The following ZNF804A variants were observed in gnomAD, a reference collection of about 807,000 sequenced individuals.
The protein encoded by ZNF804A is zinc finger protein 804A.
ZNF804A carries 2 observed loss-of-function variants against 16.5 expected under a neutral mutation model. The ratio of observed to expected loss-of-function variants is 0.12; its 90% confidence interval spans 0.05 to 0.38. The LOEUF (loss-of-function observed/expected upper bound fraction) is 0.38, where lower values mean the gene tolerates loss of function less well. Ranked by LOEUF, ZNF804A falls within the 10% of genes least tolerant of loss-of-function variation. ZNF804A has a pLI of 0.99. For missense variants in ZNF804A, 1,473 were observed against 1,390.7 expected (o/e 1.06, Z -0.94); for synonymous variants, 534 against 489.6 (o/e 1.09, Z -1.20).
At chr2:184,752,379 T>C (rs374177812) in intron 1 of ZNF804A, among the ~76,000 whole-genome samples, 2 of 151,372 alleles carry the variant, frequency 1.3e-5, no homozygotes, top group African/African-American at 2.4e-5. Context: ...AACTCAGAAA[T>C]GGAAAATAAA....
chr2:184,604,446 T>G (rs534854569), intron 1 of ZNF804A, among the ~76,000 whole-genome samples: 1 of 152,178 alleles, frequency 6.6e-6, no homozygotes, highest in South Asian at 2.1e-4. Flanking sequence ...TTGCTGGGAT[T>G]ACAGGCGTGA....
intron 2 of ZNF804A, among the ~76,000 whole-genome samples, chr2:184,885,032 G>A (rs902780512): frequency 2.6e-5 from 4 of 152,054 alleles, no homozygotes; most frequent in African/African-American, 7.2e-5. Context: ...TTAAAAAGTA[G>A]GCAAAAGACA....
chr2:184,723,336 T>C (rs1348571419), intron 1 of ZNF804A, among the ~76,000 whole-genome samples: 1 of 151,884 alleles, frequency 6.6e-6, no homozygotes, highest in East Asian at 1.9e-4. Flanking sequence ...TACAAGAATT[T>C]TCTCCAGTTG....
intron 1 of ZNF804A, among the ~76,000 whole-genome samples, chr2:184,858,363 A>G (rs1695738362): frequency 6.6e-6 from 1 of 151,666 alleles, no homozygotes; most frequent in African/African-American, 2.4e-5. Flanking sequence ...AATTAGCAGG[A>G]CATGTTGGCA....
chr2:184,706,449 C>T (rs1693032712), intron 1 of ZNF804A, among the ~76,000 whole-genome samples: 1 of 152,198 alleles, frequency 6.6e-6, no homozygotes, highest in Non-Finnish European at 1.5e-5. Flanking sequence ...GAAGCCATTT[C>T]ATCATGTAAC....
At chr2:184,901,628 A>C (rs1322594298) in intron 2 of ZNF804A, among the ~76,000 whole-genome samples, 1 of 152,096 alleles carries the variant, frequency 6.6e-6, no homozygotes, top group Non-Finnish European at 1.5e-5. Flanking sequence ...AAGTGCATCA[A>C]TAGTTTGTCA....
At chr2:184,835,090 A>G (rs188249264) in intron 1 of ZNF804A, among the ~76,000 whole-genome samples, 13 of 152,270 alleles carry the variant, frequency 8.5e-5, no homozygotes, top group African/African-American at 3.1e-4. Flanking sequence ...AACAGGATAG[A>G]AGAAGACCCA....
At chr2:184,676,693 A>G (rs1178276492) in intron 1 of ZNF804A, among the ~76,000 whole-genome samples, 1 of 151,768 alleles carries the variant, frequency 6.6e-6, no homozygotes, top group Non-Finnish European at 1.5e-5. Context: ...ATTAATAAAA[A>G]TGCCAGTTAT....
chr2:184,871,304 T>C (rs1695970665), intron 2 of ZNF804A, among the ~76,000 whole-genome samples: 1 of 151,642 alleles, frequency 6.6e-6, no homozygotes, highest in Non-Finnish European at 1.5e-5. Context: ...CTGTGAGCTT[T>C]GTAACCTGGG....
chr2:184,827,200 A>T (rs2105793639), intron 1 of ZNF804A, among the ~76,000 whole-genome samples: 1 of 151,652 alleles, frequency 6.6e-6, no homozygotes, highest in South Asian at 2.1e-4. Context: ...ATGGACAATT[A>T]GTTGATCTGG....
intron 1 of ZNF804A, among the ~76,000 whole-genome samples, chr2:184,759,878 A>G (rs1260696046): frequency 6.6e-6 from 1 of 151,916 alleles, no homozygotes; most frequent in African/African-American, 2.4e-5. Flanking sequence ...ACCTACCCAA[A>G]TCCTATAAAA....
At chr2:184,638,024 T>TC (rs1691728203) in intron 1 of ZNF804A, among the ~76,000 whole-genome samples, 1 of 152,144 alleles carries the variant, frequency 6.6e-6, no homozygotes, top group Non-Finnish European at 1.5e-5. Flanking sequence ...TAAAGAACCT[T>TC]CCCCTTGTCT....
intron 1 of ZNF804A, among the ~76,000 whole-genome samples, chr2:184,701,323 T>C (rs1692916069): frequency 6.6e-6 from 1 of 152,002 alleles, no homozygotes; most frequent in Non-Finnish European, 1.5e-5. Flanking sequence ...ACTAGAAAGA[T>C]ATTGTATATA....
rs554731124 is a variant in ZNF804A at position 184,933,849 on chromosome 2, C to T, written c.386+116C>T. The T allele has an allele frequency of 6.0e-6, 6 of 1,000,284 alleles. No homozygotes were observed. In the African/African-American group the frequency reaches 8.4e-5, roughly 14 times the overall value. 62.0% of individuals were successfully genotyped at this position (1,000,284 alleles called of 1,614,324 possible). ...ATTACTGTACCCAGAATAAGGCACA[C>T]ATGTTTTCATGGCCTTCTGTAGGCT... On this transcript the variant is annotated intron_variant, in intron 3 of 3. Transcript: ENST00000302277.
intron 2 of ZNF804A, among the ~76,000 whole-genome samples, chr2:184,871,572 G>T (rs569225018): frequency 1.5e-4 from 23 of 151,532 alleles, no homozygotes; most frequent in Non-Finnish European, 3.1e-4. Context: ...AAATTACTTG[G>T]GTATTGGATT....
intron 2 of ZNF804A, among the ~76,000 whole-genome samples, chr2:184,901,912 GCTTT>G (rs1685187940): frequency 6.6e-6 from 1 of 151,660 alleles, no homozygotes; most frequent in Non-Finnish European, 1.5e-5. Flanking sequence ...ATCACATGAC[GCTTT>G]CTTATTTTCC....
intron 2 of ZNF804A, among the ~76,000 whole-genome samples, chr2:184,905,596 G>A (rs750564143): frequency 1.2e-4 from 18 of 151,990 alleles, no homozygotes; most frequent in Non-Finnish European, 2.2e-4. Context: ...TTCTGTAGTA[G>A]AACCAGTATG....
At chr2:184,802,688 G>C (rs555246157) in intron 1 of ZNF804A, among the ~76,000 whole-genome samples, 10 of 152,142 alleles carry the variant, frequency 6.6e-5, no homozygotes, top group Admixed American at 2.0e-4. Flanking sequence ...GTTGAATTTA[G>C]TTTGTTCAGC....
Position 184,693,656 on chromosome 2 carries a change from A to T in ZNF804A, c.111+94586A>T, listed in dbSNP as rs192547131. Among the ~76,000 whole-genome samples, 3 of 152,220 alleles carry T rather than the reference A, an allele frequency of 2.0e-5. No homozygotes were observed. In the East Asian group the frequency reaches 5.8e-4, roughly 29 times the overall value. Reference sequence around the variant, plus strand: ...ATGACTTATATTTAAATTTAAATCCACTTAAAAAGATAATAGTTCCTATAT... The same window carrying T: ...ATGACTTATATTTAAATTTAAATCCTCTTAAAAAGATAATAGTTCCTATAT... On this transcript the variant is annotated intron_variant, in intron 1 of 3. Coordinates refer to ENST00000302277, the MANE Select transcript of ZNF804A (RefSeq NM_194250.2).
Sources: allele counts gnomAD v4.1 joint callset (sites outside exome capture counted in the v4.1 genomes callset), GRCh38; gene constraint gnomAD v4.1.1; transcripts MANE v1.5; gene names NCBI Gene and HGNC (gene_info 2026-07-23, HGNC 2026-07-21).